Variants in STRN observed in about 807,000 individuals in gnomAD.
STRN encodes the protein protein phosphatase 2 regulatory subunit B'''alpha.
Under a neutral mutation model 96.3 loss-of-function variants are expected in STRN, and 53 were observed. The observed-to-expected ratio is 0.55, with a 90% CI of 0.44 to 0.69. The LOEUF is 0.69. Ranked by LOEUF, STRN falls within the 30% of genes least tolerant of loss-of-function variation. The probability of loss-of-function intolerance (pLI) is 0.00; values close to 1 mark genes in which losing one functional copy is unlikely to be tolerated. For missense variants in STRN, 987 were observed against 963.9 expected (o/e 1.02, Z -0.32); for synonymous variants, 428 against 355.9 (o/e 1.20, Z -2.28).
intron 3 of STRN, among the ~76,000 whole-genome samples, chr2:36,907,542 T>C: frequency 6.6e-6 from 1 of 151,768 alleles, no homozygotes. Context: ...AGCAAGACTC[T>C]GTCTCAAAAA....
At chr2:36,925,010 C>T (rs1328601066) in intron 2 of STRN, 95 bp downstream of exon 2, 47 of 1,102,710 alleles carry the variant, frequency 4.3e-5, no homozygotes, top group Middle Eastern at 3.0e-4. Context: ...GAGCCAAGAT[C>T]GTACCATTGC....
At chr2:36,860,092 G>A (rs767409442) in intron 13 of STRN, among the ~76,000 whole-genome samples, 35 of 152,176 alleles carry the variant, frequency 2.3e-4, no homozygotes, top group Non-Finnish European at 4.4e-5. Flanking sequence ...GAAGATACCC[G>A]AATTTACTTA....
At chr2:36,927,249 GTA>G (rs1386418254) in intron 1 of STRN, among the ~76,000 whole-genome samples, 3 of 152,114 alleles carry the variant, frequency 2.0e-5, no homozygotes, top group Non-Finnish European at 4.4e-5. Flanking sequence ...GCTCAGCCCT[GTA>G]ATTAACAGCA....
chr2:36,869,242 G>C (rs1377431316), intron 11 of STRN, among the ~76,000 whole-genome samples: 1 of 152,176 alleles, frequency 6.6e-6, no homozygotes, highest in African/African-American at 2.4e-5. Context: ...TACAAGAACA[G>C]TCCAAACCTT....
At chr2:36,864,023 TGA>T (rs1668560829) in intron 12 of STRN, among the ~76,000 whole-genome samples, 2 of 152,236 alleles carry the variant, frequency 1.3e-5, no homozygotes, top group Non-Finnish European at 2.9e-5. Flanking sequence ...AGAAATTTGC[TGA>T]AGTTGTTTTA....
chr2:36,848,552 A>C lies in STRN; in HGVS notation c.*904T>G, dbSNP rs1668138354. On this transcript the variant is annotated 3_prime_UTR_variant, in exon 18 of 18. Coordinates refer to ENST00000263918, the MANE Select transcript of STRN (RefSeq NM_003162.4). ...TCTATCTTTTCAGTCACTGAAAAGT[A>C]AGATTTCATTGGTATGAAATAATCA... 6.6e-6 allele frequency: 1 copy of C among 152,224 alleles called. No individual in the cohort carries two copies. Among genetic ancestry groups the C allele is most frequent in the Non-Finnish European group, 1.5e-5 (1 of 68,030 alleles). 9.4% of individuals were successfully genotyped at this position (152,224 alleles called of 1,614,324 possible).
At chr2:36,935,855 G>T (rs924883936) in intron 1 of STRN, among the ~76,000 whole-genome samples, 1 of 152,152 alleles carries the variant, frequency 6.6e-6, no homozygotes, top group Non-Finnish European at 1.5e-5. Context: ...CCATAAACTA[G>T]AAAGTCTGTT....
chr2:36,927,033 T>A (rs1670427769), intron 1 of STRN, among the ~76,000 whole-genome samples: 1 of 152,162 alleles, frequency 6.6e-6, no homozygotes, highest in African/African-American at 2.4e-5. Flanking sequence ...ATCAATGCAA[T>A]CAAACTTTGA....
Position 36,962,627 on chromosome 2 carries a change from A to G in STRN, c.234+3603T>C, listed in dbSNP as rs143635923. Among the ~76,000 whole-genome samples the G allele has an allele frequency of 9.6e-3, 1,452 of 151,964 alleles. 16 individuals are homozygous for G. The highest frequency in any genetic ancestry group is 0.034 in the African/African-American group (1,390 of 41,408). On this transcript the variant is annotated intron_variant, in intron 1 of 17. Transcript: ENST00000263918. Reference sequence around the variant, plus strand: ...CTGCAACCTCCGCCTCCCAGGTTCAAGCGATTCTCCTGCCTCAGCCTCCAG... The same window carrying G: ...CTGCAACCTCCGCCTCCCAGGTTCAGGCGATTCTCCTGCCTCAGCCTCCAG...
intron 5 of STRN, among the ~76,000 whole-genome samples, chr2:36,900,407 T>C (rs1669651523): frequency 6.6e-6 from 1 of 152,208 alleles, no homozygotes; most frequent in African/African-American, 2.4e-5. Flanking sequence ...TTTTCTCTGA[T>C]GCAATCTTGT....
chr2:36,907,718 G>A (rs1025375105), intron 3 of STRN, among the ~76,000 whole-genome samples: 14 of 152,210 alleles, frequency 9.2e-5, no homozygotes, highest in African/African-American at 1.9e-4. Flanking sequence ...AAACACAATT[G>A]TAAGTGTTGA....
rs370421519 is a variant in STRN, at chr2:36,854,199, AGTTT to A, written c.1978+1009_1978+1012del. On this transcript the variant is annotated intron_variant, in intron 15 of 17. Transcript: ENST00000263918. ...TTCTCATCCTTTCTAATTTCATATT[AGTTT>A]TTTATTTTGCTACTGTAGCTTTGAG... 4.0e-3 allele frequency among the ~76,000 whole-genome samples: 604 copies of A among 152,320 alleles called. 3 individuals are homozygous for A. Among genetic ancestry groups the A allele is most frequent in the African/African-American group, 0.014 (583 of 41,588 alleles).
intron 1 of STRN, among the ~76,000 whole-genome samples, chr2:36,935,580 C>T (rs1224293063): frequency 6.6e-6 from 1 of 152,182 alleles, no homozygotes; most frequent in African/African-American, 2.4e-5. Context: ...TTCATTCATG[C>T]ACTCAACATA....
At chr2:36,896,410 G>A (rs1259666915) in intron 6 of STRN, among the ~76,000 whole-genome samples, 2 of 152,164 alleles carry the variant, frequency 1.3e-5, no homozygotes, top group East Asian at 1.9e-4. Context: ...GAAGAAAAAT[G>A]AATTGTGTTT....
chr2:36,896,433 C>T (rs940130156), intron 6 of STRN, among the ~76,000 whole-genome samples: 2 of 152,134 alleles, frequency 1.3e-5, no homozygotes, highest in African/African-American at 4.8e-5. Flanking sequence ...CACTGGAGAA[C>T]AGGATCAGAA....
chr2:36,928,186 T>C (rs1434708300), intron 1 of STRN, among the ~76,000 whole-genome samples: 1 of 152,102 alleles, frequency 6.6e-6, no homozygotes, highest in Non-Finnish European at 1.5e-5. Flanking sequence ...GCATAATAAT[T>C]GGTATAAATT....
chr2:36,914,407 C>A (rs1670038163), intron 3 of STRN, among the ~76,000 whole-genome samples: 1 of 152,198 alleles, frequency 6.6e-6, no homozygotes, highest in African/African-American at 2.4e-5. Flanking sequence ...TCCTTTGAGT[C>A]AGTTAATATA....
At position 36,893,896 on chromosome 2, in the gene STRN, A is replaced by C; in HGVS notation, c.931+2T>G. On this transcript the variant is annotated splice_donor_variant, in intron 7 of 17. Coordinates refer to ENST00000263918, the MANE Select transcript of STRN (RefSeq NM_003162.4). LOFTEE classifies it high-confidence loss of function. ...CTGGTTGGATCCAGTATGCTTCCTT[A>C]CCCCAGTCTGTTCCATCGCCTGCAC... The C allele has an allele frequency of 6.2e-7, 1 of 1,601,218 alleles. No individual in the cohort carries two copies. Among genetic ancestry groups the C allele is most frequent in the Non-Finnish European group, 8.5e-7 (1 of 1,176,550 alleles).
At chr2:36,858,264 CTGAG>C (rs1668399837) in intron 13 of STRN, among the ~76,000 whole-genome samples, 1 of 151,924 alleles carries the variant, frequency 6.6e-6, no homozygotes, top group Admixed American at 6.6e-5. Context: ...CTTAAAAAAA[CTGAG>C]TATTTCCTCC....
Sources: gnomAD v4.1 joint callset for allele counts (sites outside exome capture counted in the v4.1 genomes callset) on GRCh38, gnomAD v4.1.1 for gene constraint, MANE v1.5 for transcripts, NCBI Gene and HGNC (gene_info 2026-07-23, HGNC 2026-07-21) for gene names.